BRINP1: variants seen among roughly 807,000 people sequenced by gnomAD.
BRINP1 encodes BMP/retinoic acid inducible neural specific 1, also known as BMP/retinoic acid-inducible neural-specific protein 1.
Under a neutral mutation model 72.9 loss-of-function variants are expected in BRINP1, and 17 were observed. The ratio of observed to expected loss-of-function variants is 0.23; its 90% CI spans 0.16 to 0.35. BRINP1 has a LOEUF of 0.35. Among genes scored for constraint, BRINP1 ranks in the 10% least tolerant of loss-of-function variants. The pLI is 1.00. For synonymous variants in BRINP1, 418 were observed against 378.5 expected (o/e 1.10, Z -1.21); for missense variants, 850 against 1,001.6 (o/e 0.85, Z 2.04).
chr9:119,246,653 G>A (rs1487636526), intron 3 of BRINP1, among the ~76,000 whole-genome samples: 1 of 152,150 alleles, frequency 6.6e-6, no homozygotes, highest in Non-Finnish European at 1.5e-5. Context: ...CCGGAGGCAG[G>A]ACTAGAAGCC....
chr9:119,211,564 A>G (rs9696959), intron 6 of BRINP1, among the ~76,000 whole-genome samples: 51,582 of 152,140 alleles, frequency 0.34, 9,234 homozygotes, highest in East Asian at 0.56. Context: ...ACTGCCATTT[A>G]TGTATAGAAA....
chr9:119,199,302 A>G (rs1829778807), intron 7 of BRINP1, among the ~76,000 whole-genome samples: 1 of 152,232 alleles, frequency 6.6e-6, no homozygotes, highest in African/African-American at 2.4e-5. Flanking sequence ...ACAGAGAAGA[A>G]TCAAAATCAG....
At chr9:119,281,957 G>T (rs1423765850) in intron 2 of BRINP1, among the ~76,000 whole-genome samples, 2 of 152,158 alleles carry the variant, frequency 1.3e-5, no homozygotes, top group Non-Finnish European at 2.9e-5. Flanking sequence ...TACAAATGGT[G>T]TTGCAGTAAA....
At chr9:119,243,774 T>G (rs1340593481) in intron 3 of BRINP1, among the ~76,000 whole-genome samples, 1 of 152,254 alleles carries the variant, frequency 6.6e-6, no homozygotes, top group Admixed American at 6.5e-5. Context: ...AAGGAGCTTA[T>G]GTGACTCACA....
At chr9:119,244,220 T>G (rs1830289334) in intron 3 of BRINP1, among the ~76,000 whole-genome samples, 1 of 152,226 alleles carries the variant, frequency 6.6e-6, no homozygotes, top group Admixed American at 6.5e-5. Context: ...GGTAAAGCAC[T>G]TGGCGTTTGC....
At chr9:119,326,950 T>C (rs1334690119) in intron 1 of BRINP1, among the ~76,000 whole-genome samples, 1 of 152,140 alleles carries the variant, frequency 6.6e-6, no homozygotes, top group Non-Finnish European at 1.5e-5. Context: ...TTGGCCTGCA[T>C]TTCAGACCAA....
At chr9:119,302,776 T>G (rs1830951896) in intron 2 of BRINP1, among the ~76,000 whole-genome samples, 1 of 152,192 alleles carries the variant, frequency 6.6e-6, no homozygotes, top group African/African-American at 2.4e-5. Flanking sequence ...TCTTGGAATA[T>G]TTCCTTAATC....
intron 2 of BRINP1, among the ~76,000 whole-genome samples, chr9:119,256,952 T>C (rs1377358331): frequency 6.6e-6 from 1 of 152,162 alleles, no homozygotes; most frequent in Non-Finnish European, 1.5e-5. Context: ...ATACACATCT[T>C]ATAGGCCGTA....
chr9:119,214,178 G>A (rs967779807), intron 5 of BRINP1, 23 bp from the exon 6 acceptor site: 1 of 1,556,520 alleles, frequency 6.4e-7, no homozygotes, highest in African/African-American at 1.4e-5. Flanking sequence ...AGCAAGAAGG[G>A]AAAACAGAAA....
chr9:119,257,740 A>T (rs1830459226), intron 2 of BRINP1, among the ~76,000 whole-genome samples: 2 of 152,310 alleles, frequency 1.3e-5, no homozygotes, highest in African/African-American at 4.8e-5. Context: ...GAGAGGAAAG[A>T]AGGCATTTCT....
chr9:119,340,600 C>T (rs985023598), intron 1 of BRINP1, among the ~76,000 whole-genome samples: 5 of 152,138 alleles, frequency 3.3e-5, no homozygotes, highest in African/African-American at 7.2e-5. Flanking sequence ...GCTCAGAAGT[C>T]GTAGGACTCA....
At chr9:119,264,737 C>T (rs1830531389) in intron 2 of BRINP1, among the ~76,000 whole-genome samples, 1 of 152,224 alleles carries the variant, frequency 6.6e-6, no homozygotes, top group African/African-American at 2.4e-5. Flanking sequence ...GTGGCTCCAT[C>T]TCAGCTCACT....
At chr9:119,210,524 G>A (rs917746848) in intron 6 of BRINP1, among the ~76,000 whole-genome samples, 3 of 152,128 alleles carry the variant, frequency 2.0e-5, no homozygotes, top group African/African-American at 7.2e-5. Flanking sequence ...GTTGCCCAAG[G>A]TCAAATGGCC....
chr9:119,200,154 G>T (rs373833997), intron 7 of BRINP1, among the ~76,000 whole-genome samples: 1 of 152,122 alleles, frequency 6.6e-6, no homozygotes, highest in African/African-American at 2.4e-5. Flanking sequence ...TGGCATATTC[G>T]GAGAAGCAAA....
At chr9:119,206,941 A>G (rs1829863775) in intron 7 of BRINP1, among the ~76,000 whole-genome samples, 1 of 152,244 alleles carries the variant, frequency 6.6e-6, no homozygotes, top group African/African-American at 2.4e-5. Flanking sequence ...AACTGGCAAA[A>G]GAAATTCTAT....
intron 5 of BRINP1, among the ~76,000 whole-genome samples, chr9:119,214,403 T>G (rs1829958299): frequency 6.6e-6 from 1 of 152,184 alleles, no homozygotes; most frequent in Admixed American, 6.5e-5. Context: ...TCTATTCTGT[T>G]ATAGTAGGAC....
chr9:119,263,816 G>A (rs1208600503), intron 2 of BRINP1, among the ~76,000 whole-genome samples: 1 of 152,006 alleles, frequency 6.6e-6, no homozygotes, highest in Admixed American at 6.6e-5. Flanking sequence ...CACCGTGTTA[G>A]CCAGGATGGT....
At chr9:119,299,288 T>C (rs1435895962) in intron 2 of BRINP1, among the ~76,000 whole-genome samples, 1 of 152,184 alleles carries the variant, frequency 6.6e-6, no homozygotes, top group Non-Finnish European at 1.5e-5. Context: ...TTTGCTTCTA[T>C]GAATTTGACT....
At chr9:119,188,681 C>T (rs1255426725) in intron 7 of BRINP1, among the ~76,000 whole-genome samples, 3 of 152,062 alleles carry the variant, frequency 2.0e-5, no homozygotes, top group Non-Finnish European at 4.4e-5. Flanking sequence ...ACTTGGGAGG[C>T]TGAGGTGGGA....
Sources: gnomAD v4.1 joint callset for allele counts (sites outside exome capture counted in the v4.1 genomes callset) on GRCh38, gnomAD v4.1.1 for gene constraint, MANE v1.5 for transcripts, NCBI Gene and HGNC (gene_info 2026-07-23, HGNC 2026-07-21) for gene names.